Variants in SLC26A3 observed in about 807,000 individuals in gnomAD.
The protein encoded by SLC26A3 is chloride anion exchanger.
In SLC26A3, 64 loss-of-function variants were observed where a neutral mutation model predicts 85.6. That is an observed-to-expected ratio of 0.75 (90% CI 0.61 to 0.92). The LOEUF is 0.92. Ranked by LOEUF, SLC26A3 falls within the 40% of genes least tolerant of loss-of-function variation. SLC26A3 has a pLI of 0.00. For synonymous variants in SLC26A3, 349 were observed against 336.0 expected (o/e 1.04, Z -0.42); for missense variants, 922 against 927.3 (o/e 0.99, Z 0.07).
chr7:107,782,372 A>G (rs972745452), intron 11 of SLC26A3, among the ~76,000 whole-genome samples: 2 of 152,168 alleles, frequency 1.3e-5, no homozygotes, highest in African/African-American at 4.8e-5. Context: ...TTGGAGTTAA[A>G]CCAAAGTTCT....
chr7:107,779,747 A>G lies in SLC26A3; in HGVS notation c.1328T>C (p.Leu443Ser). Residue 443 changes from leucine (L) to serine (S), a missense_variant, in exon 12 of 21, where the codon TTA (leucine) becomes TCA (serine). Coordinates refer to ENST00000340010, the MANE Select transcript of SLC26A3 (RefSeq NM_000111.3). ...CATTCCCTTTAAGTTTCCCAATGCT[A>G]AAGCTGCCAGGACGGACTGTGAAAA... ...APLQKSVLAA[L>S]ALGNLKGMLM... The G allele has an allele frequency of 6.2e-7, 1 of 1,613,948 alleles. No homozygotes were observed. Among genetic ancestry groups the G allele is most frequent in the Non-Finnish European group, 8.5e-7 (1 of 1,179,860 alleles).
At chr7:107,778,138 C>G in intron 13 of SLC26A3, 37 bp downstream of exon 13, 1 of 1,431,230 alleles carries the variant, frequency 7.0e-7, no homozygotes, top group Admixed American at 1.7e-5. Flanking sequence ...TGGGCAGGTC[C>G]AAGCCTGCCA....
chr7:107,802,978 A>T (rs1353858568), intron 1 of SLC26A3, 133 bp downstream of exon 1: 1 of 152,276 alleles, frequency 6.6e-6, no homozygotes, highest in Non-Finnish European at 1.5e-5. Context: ...TAGTGGATTC[A>T]TTCAAAATAT....
chr7:107,767,530 T>G, intron 20 of SLC26A3, 49 bp downstream of exon 20: 1 of 1,427,884 alleles, frequency 7.0e-7, no homozygotes, highest in Non-Finnish European at 9.9e-7. Flanking sequence ...TTGAAGGTTT[T>G]TTTTTGCTGT....
intron 5 of SLC26A3, 93 bp from the exon 6 acceptor site, chr7:107,789,781 G>T: frequency 2.2e-6 from 3 of 1,339,566 alleles, no homozygotes; most frequent in South Asian, 1.3e-5. Context: ...TACACAAAAC[G>T]TAAAGGCTCA....
intron 11 of SLC26A3, among the ~76,000 whole-genome samples, 182 bp from the exon 12 acceptor site, chr7:107,779,945 CT>C (rs765391738): frequency 6.6e-6 from 1 of 152,004 alleles, no homozygotes; most frequent in Non-Finnish European, 1.5e-5. Context: ...TGACCTGTTC[CT>C]ATGAATGACT....
chr7:107,771,989 G>T, intron 18 of SLC26A3, 65 bp downstream of exon 18: 1 of 1,057,708 alleles, frequency 9.5e-7, no homozygotes, highest in Non-Finnish European at 1.5e-6. Context: ...AGGCTGTCTA[G>T]ACTGAGAGTT....
At chr7:107,800,152 T>C (rs1794576318) in intron 1 of SLC26A3, among the ~76,000 whole-genome samples, 1 of 152,238 alleles carries the variant, frequency 6.6e-6, no homozygotes, top group Non-Finnish European at 1.5e-5. Flanking sequence ...CATGATTTCC[T>C]TTGTGTTCTT....
chr7:107,794,498 G>C lies in SLC26A3; in HGVS notation c.12C>G (p.Pro4=). The C allele has an allele frequency of 6.2e-7, 1 of 1,613,944 alleles. No homozygotes were observed. Among genetic ancestry groups the C allele is most frequent in the Non-Finnish European group, 8.5e-7 (1 of 1,179,902 alleles). MIE[P]FGNQYIVARP... ...TGGCCACAATATACTGATTCCCAAA[G>C]GGTTCAATCATTTTGATTTTTCTGT... is the stretch of plus-strand genomic sequence containing the variant. Residue 4 remains proline (P), a synonymous_variant, in exon 2 of 21, where the codon CCC becomes CCG. Coordinates refer to ENST00000340010, the MANE Select transcript of SLC26A3 (RefSeq NM_000111.3).
intron 8 of SLC26A3, 55 bp from the exon 9 acceptor site, chr7:107,783,407 T>C: frequency 1.3e-6 from 2 of 1,594,656 alleles, no homozygotes; most frequent in Non-Finnish European, 1.7e-6. Flanking sequence ...TAAACTGATA[T>C]AACCATTGGG....
At chr7:107,770,040 T>TTC (rs1315997037) in intron 18 of SLC26A3, among the ~76,000 whole-genome samples, 15 of 135,228 alleles carry the variant, frequency 1.1e-4, no homozygotes, top group African/African-American at 4.6e-4. Flanking sequence ...CTTTCTTTCT[T>TTC]TCTTTCTTTC....
chr7:107,792,405 G>A (rs914603883), intron 3 of SLC26A3, among the ~76,000 whole-genome samples: 1 of 151,912 alleles, frequency 6.6e-6, no homozygotes, highest in African/African-American at 2.4e-5. Context: ...GCAACTAGAT[G>A]GTTCCCTCTG....
At chr7:107,772,660 A>G (rs917501707) in intron 17 of SLC26A3, among the ~76,000 whole-genome samples, 2 of 152,210 alleles carry the variant, frequency 1.3e-5, no homozygotes, top group African/African-American at 4.8e-5. Context: ...CATTAATGTC[A>G]TTGCCATCAT....
chr7:107,791,823 G>T lies in SLC26A3; in HGVS notation c.382+7C>A, dbSNP rs1277242811. On this transcript the variant is annotated splice_region_variant and intron_variant, in intron 4 of 20. Coordinates refer to ENST00000340010, the MANE Select transcript of SLC26A3 (RefSeq NM_000111.3). ...GTGAGCATTAATCAGCTCAGTAACTGACTTACCCACGGATATGTGTCTGGA... is the reference window on the plus strand; with the variant it reads ...GTGAGCATTAATCAGCTCAGTAACTTACTTACCCACGGATATGTGTCTGGA... 1.9e-6 allele frequency: 3 copies of T among 1,564,932 alleles called. No homozygotes were observed. Among genetic ancestry groups the T allele is most frequent in the South Asian group, 2.2e-5 (2 of 90,066 alleles).
intron 15 of SLC26A3, among the ~76,000 whole-genome samples, chr7:107,775,581 A>C (rs1190552409): frequency 6.6e-6 from 1 of 151,600 alleles, no homozygotes; most frequent in Admixed American, 6.6e-5. Context: ...AAAACTTAGC[A>C]CTTAGCGGGG....
intron 1 of SLC26A3, among the ~76,000 whole-genome samples, chr7:107,802,438 C>T (rs1330873454): frequency 6.6e-6 from 1 of 152,130 alleles, no homozygotes; most frequent in African/African-American, 2.4e-5. Context: ...TTCTTACTCT[C>T]ATTGCCTTTT....
At chr7:107,772,494 A>G (rs1203088799) in intron 17 of SLC26A3, among the ~76,000 whole-genome samples, 1 of 152,228 alleles carries the variant, frequency 6.6e-6, no homozygotes, top group East Asian at 1.9e-4. Context: ...ATGAGTTGCT[A>G]ATTATTTTTG....
intron 13 of SLC26A3, among the ~76,000 whole-genome samples, chr7:107,777,175 G>A (rs567124872): frequency 6.6e-6 from 1 of 152,318 alleles, no homozygotes; most frequent in East Asian, 1.9e-4. Flanking sequence ...GTCAGGGATT[G>A]ACTTTGTGAT....
chr7:107,783,241 A>G lies in SLC26A3; in HGVS notation c.1083T>C (p.Tyr361=), dbSNP rs1794239798. ...CAAGTGGATAATCGTATTTGAGGGA[A>G]TAGACGCTGGCAACTGAAAAGGCCA... The part of the protein sequence containing the change: ...FAVAFSVASV[Y]SLKYDYPLDG... Residue 361 remains tyrosine (Y), a synonymous_variant, in exon 9 of 21, where the codon TAT becomes TAC. Coordinates refer to ENST00000340010, the MANE Select transcript of SLC26A3 (RefSeq NM_000111.3). 1.9e-6 allele frequency: 3 copies of G among 1,614,112 alleles called. No individual in the cohort carries two copies. Among genetic ancestry groups the G allele is most frequent in the African/African-American group, 1.3e-5 (1 of 74,950 alleles).
Sources: allele counts gnomAD v4.1 joint callset (sites outside exome capture counted in the v4.1 genomes callset), GRCh38; gene constraint gnomAD v4.1.1; transcripts MANE v1.5; gene names NCBI Gene and HGNC (gene_info 2026-07-23, HGNC 2026-07-21).